Variants in CFAP96 observed in about 807,000 individuals in gnomAD.
CFAP96 encodes the protein cilia-and flagella-associated protein 96.
the CFAP96 span, among the ~76,000 whole-genome samples, chr4:185,409,047 C>A: frequency 6.6e-6 from 1 of 152,106 alleles, no homozygotes; most frequent in Non-Finnish European, 1.5e-5. Context: ...TACACTGTGT[C>A]TTATCCATTT....
At chr4:185,445,479 T>A in the CFAP96 span, 14 of 1,539,842 alleles carry the variant, frequency 9.1e-6, no homozygotes, top group Admixed American at 8.9e-5. Flanking sequence ...TCGAAGGGAG[T>A]TTCTTAGCAA....
At chr4:185,443,336 A>ATT in the CFAP96 span, among the ~76,000 whole-genome samples, 1 of 28,668 alleles carries the variant, frequency 3.5e-5, no homozygotes, top group Non-Finnish European at 7.7e-5. Flanking sequence ...ATATATATAT[A>ATT]TATATATTTT....
the CFAP96 span, among the ~76,000 whole-genome samples, chr4:185,408,652 C>T: frequency 1.3e-5 from 2 of 152,182 alleles, no homozygotes. Context: ...GACCTACCTT[C>T]TGGCCTCCTC....
At chr4:185,430,399 A>C in the CFAP96 span, among the ~76,000 whole-genome samples, 1 of 152,322 alleles carries the variant, frequency 6.6e-6, no homozygotes, top group South Asian at 2.1e-4. Flanking sequence ...CAGCATGAAC[A>C]ATGTGATTCT....
the CFAP96 span, among the ~76,000 whole-genome samples, chr4:185,412,753 G>C: frequency 1.1e-4 from 17 of 152,188 alleles, no homozygotes; most frequent in East Asian, 3.3e-3. Flanking sequence ...ATGCCACCAA[G>C]GTATCCACGG....
the CFAP96 span, among the ~76,000 whole-genome samples, chr4:185,443,917 CTTTCTTTTTTTTTTT>C: frequency 3.2e-4 from 32 of 99,654 alleles, 3 homozygotes; most frequent in East Asian, 8.9e-4. Context: ...ATAACTATAT[CTTTCTTTTTTTTTTT>C]TTTTTTTTTT....
the CFAP96 span, among the ~76,000 whole-genome samples, chr4:185,427,609 A>G: frequency 6.6e-6 from 1 of 151,284 alleles, no homozygotes; most frequent in Non-Finnish European, 1.5e-5. Flanking sequence ...AAAATACAAA[A>G]ATCAGCCGGG....
chr4:185,427,408 T>A, the CFAP96 span, among the ~76,000 whole-genome samples: 1 of 152,230 alleles, frequency 6.6e-6, no homozygotes, highest in African/African-American at 2.4e-5. Flanking sequence ...TGATTCATGC[T>A]CAGGTGAGCC....
the CFAP96 span, among the ~76,000 whole-genome samples, chr4:185,437,321 GTAAA>G: frequency 6.6e-6 from 1 of 152,264 alleles, no homozygotes; most frequent in East Asian, 1.9e-4. Context: ...ATGTCTATTT[GTAAA>G]TAAATAAAGG....
At chr4:185,425,862 T>C in the CFAP96 span, 1 of 1,604,384 alleles carries the variant, frequency 6.2e-7, no homozygotes. Context: ...GCAGAGATAC[T>C]CACCATGTCC....
At chr4:185,429,853 G>A in the CFAP96 span, among the ~76,000 whole-genome samples, 3 of 151,152 alleles carry the variant, frequency 2.0e-5, no homozygotes, top group South Asian at 2.1e-4. Flanking sequence ...TGTGGAGTAG[G>A]GCGGGGGAGC....
chr4:185,415,769 A>G, the CFAP96 span: 1 of 1,613,834 alleles, frequency 6.2e-7, no homozygotes, highest in Non-Finnish European at 8.5e-7. Flanking sequence ...AAGTCATATT[A>G]ACATAATGGT....
At chr4:185,418,397 G>A in the CFAP96 span, 2 of 1,458,640 alleles carry the variant, frequency 1.4e-6, no homozygotes, top group Non-Finnish European at 1.9e-6. Context: ...CAAATCCAAA[G>A]ATTTAACATT....
the CFAP96 span, among the ~76,000 whole-genome samples, chr4:185,447,213 A>G: frequency 0.88 from 132,159 of 150,864 alleles, 58,263 homozygotes; most frequent in East Asian, 0.99. Context: ...ACGGAGTCTC[A>G]CTCTGTCGCC....
the CFAP96 span, among the ~76,000 whole-genome samples, chr4:185,414,328 A>C: frequency 6.6e-6 from 1 of 152,222 alleles, no homozygotes; most frequent in Admixed American, 6.5e-5. Flanking sequence ...ACAGAGTAGA[A>C]GTTAGTGGTC....
chr4:185,430,081 TC>T, the CFAP96 span, among the ~76,000 whole-genome samples: 27 of 152,320 alleles, frequency 1.8e-4, no homozygotes, highest in African/African-American at 6.5e-4. Flanking sequence ...GGCAGTTTTC[TC>T]CCAGAATATT....
the CFAP96 span, among the ~76,000 whole-genome samples, chr4:185,409,081 G>A: frequency 6.6e-6 from 1 of 152,002 alleles, no homozygotes; most frequent in African/African-American, 2.4e-5. Context: ...TCTACAACAC[G>A]CCTGGCACAC....
the CFAP96 span, chr4:185,418,411 A>G: frequency 6.6e-7 from 1 of 1,514,098 alleles, no homozygotes; most frequent in Non-Finnish European, 9.1e-7. Context: ...TAACATTTTT[A>G]TCAGTACAGA....
chr4:185,428,556 TAAAAAA>T, the CFAP96 span, among the ~76,000 whole-genome samples: 1 of 143,360 alleles, frequency 7.0e-6, no homozygotes, highest in African/African-American at 2.6e-5. Context: ...TGGGACTGTC[TAAAAAA>T]AAAAAAAACA....
Sources: allele counts gnomAD v4.1 joint callset (sites outside exome capture counted in the v4.1 genomes callset), GRCh38; gene constraint gnomAD v4.1.1; transcripts MANE v1.5; gene names NCBI Gene and HGNC (gene_info 2026-07-23, HGNC 2026-07-21).